Variants in ROBO2 observed in about 807,000 individuals in gnomAD.
ROBO2 encodes roundabout guidance receptor 2, also known as roundabout homolog 2.
ROBO2 carries 53 observed loss-of-function variants against 160.8 expected under a neutral mutation model. The observed-to-expected ratio is 0.33, with a 90% confidence interval of 0.26 to 0.41. The LOEUF is 0.41. Ranked by LOEUF, ROBO2 falls within the 10% of genes least tolerant of loss-of-function variation. The probability of loss-of-function intolerance (pLI) is 1.00; values close to 1 mark genes in which losing one functional copy is unlikely to be tolerated. For missense variants in ROBO2, 1,577 were observed against 1,722.4 expected (o/e 0.92, Z 1.49); for synonymous variants, 664 against 611.7 (o/e 1.09, Z -1.26).
At chr3:76,528,098 T>G (rs12488664) in intron 2 of ROBO2, among the ~76,000 whole-genome samples, 1 of 152,060 alleles carries the variant, frequency 6.6e-6, no homozygotes, top group Admixed American at 6.6e-5. Flanking sequence ...TTCTTCATTC[T>G]TAACTCATAC....
intron 2 of ROBO2, among the ~76,000 whole-genome samples, chr3:76,564,393 G>GT (rs2084387017): frequency 6.6e-6 from 1 of 152,212 alleles, no homozygotes; most frequent in South Asian, 2.1e-4. Flanking sequence ...GCCAAGTACA[G>GT]TTGGGGCCCA....
At chr3:77,644,411 T>C (rs565897312) in intron 24 of ROBO2, among the ~76,000 whole-genome samples, 106 of 152,290 alleles carry the variant, frequency 7.0e-4, no homozygotes, top group African/African-American at 2.5e-3. Flanking sequence ...CTGTAGTTCA[T>C]TGTATGCAGC....
At chr3:76,036,659 C>T (rs765697139) in intron 2 of ROBO2, among the ~76,000 whole-genome samples, 5 of 151,088 alleles carry the variant, frequency 3.3e-5, no homozygotes, top group African/African-American at 4.9e-5. Context: ...CATGCACCAC[C>T]GTACCCAGCT....
intron 2 of ROBO2, among the ~76,000 whole-genome samples, chr3:76,821,398 C>T (rs1692171993): frequency 6.6e-6 from 1 of 152,008 alleles, no homozygotes; most frequent in Admixed American, 6.6e-5. Flanking sequence ...TTAATTCCCT[C>T]TCCGATAGTT....
At chr3:76,845,314 G>C (rs577877760) in intron 2 of ROBO2, among the ~76,000 whole-genome samples, 1 of 152,058 alleles carries the variant, frequency 6.6e-6, no homozygotes, top group South Asian at 2.1e-4. Flanking sequence ...CACAAATTAT[G>C]AAAGGAGAAT....
chr3:76,536,686 AGT>A (rs2082524108), intron 2 of ROBO2, among the ~76,000 whole-genome samples: 1 of 152,100 alleles, frequency 6.6e-6, no homozygotes, highest in Non-Finnish European at 1.5e-5. Flanking sequence ...GGCAGGTGTC[AGT>A]GTGAGATTGG....
At chr3:77,181,162 A>G (rs964747397) in intron 2 of ROBO2, among the ~76,000 whole-genome samples, 1 of 152,068 alleles carries the variant, frequency 6.6e-6, no homozygotes, top group Non-Finnish European at 1.5e-5. Flanking sequence ...AACACAGAAA[A>G]TGCCCAAGGT....
chr3:76,029,701 C>A (rs188778145), intron 2 of ROBO2, among the ~76,000 whole-genome samples: 3 of 151,928 alleles, frequency 2.0e-5, no homozygotes, highest in Non-Finnish European at 4.4e-5. Context: ...TGAACTAATC[C>A]TTTTTACGGC....
At chr3:76,270,853 G>T in intron 2 of ROBO2, among the ~76,000 whole-genome samples, 1 of 152,038 alleles carries the variant, frequency 6.6e-6, no homozygotes, top group East Asian at 1.9e-4. Context: ...TTACCTGAAG[G>T]CTTGAAGACG....
intron 2 of ROBO2, among the ~76,000 whole-genome samples, chr3:76,629,100 G>T (rs548290786): frequency 6.6e-6 from 1 of 152,102 alleles, no homozygotes; most frequent in Admixed American, 6.5e-5. Context: ...TTGGAAAAGG[G>T]CTGAAACTGA....
At chr3:76,897,948 T>C (rs949690588) in intron 2 of ROBO2, among the ~76,000 whole-genome samples, 20 of 152,138 alleles carry the variant, frequency 1.3e-4, no homozygotes, top group Non-Finnish European at 2.2e-4. Context: ...TCTAGTGTAG[T>C]TGTTATACAT....
chr3:77,550,993 C>T lies in ROBO2; in HGVS notation c.1231+4C>T, dbSNP rs750714089. On this transcript the variant is annotated splice_donor_region_variant and intron_variant, in intron 8 of 25. Transcript: ENST00000461745. ...GCTCAACTGGAGGTTACTGATGGTGCGATATCTTTACTAGATTTGTCTTAT... is the reference window on the plus strand; with the variant it reads ...GCTCAACTGGAGGTTACTGATGGTGTGATATCTTTACTAGATTTGTCTTAT... 6.2e-6 allele frequency: 10 copies of T among 1,612,060 alleles called. No homozygotes were observed. The highest frequency in any genetic ancestry group is 4.4e-5 in the South Asian group (4 of 91,064).
At chr3:76,440,695 C>T (rs2076885765) in intron 2 of ROBO2, among the ~76,000 whole-genome samples, 1 of 152,100 alleles carries the variant, frequency 6.6e-6, no homozygotes, top group African/African-American at 2.4e-5. Flanking sequence ...AAGGCCTGCT[C>T]CTGGAATCAC....
chr3:77,568,196 T>G (rs2093542641), intron 12 of ROBO2, 117 bp from the exon 14 acceptor site: 2 of 1,141,698 alleles, frequency 1.8e-6, no homozygotes, highest in South Asian at 2.7e-5. Context: ...CACAAGAGAG[T>G]TTTCGTTTTG....
intron 2 of ROBO2, among the ~76,000 whole-genome samples, chr3:77,366,674 T>C (rs1189117559): frequency 6.6e-6 from 1 of 152,122 alleles, no homozygotes; most frequent in Non-Finnish European, 1.5e-5. Flanking sequence ...ATGCCAACAT[T>C]TGCCTCTGAT....
intron 2 of ROBO2, among the ~76,000 whole-genome samples, chr3:76,949,714 T>C (rs940893616): frequency 1.3e-5 from 2 of 152,204 alleles, no homozygotes; most frequent in African/African-American, 4.8e-5. Flanking sequence ...ATTTAAGATC[T>C]GCCCCTTGCT....
intron 2 of ROBO2, among the ~76,000 whole-genome samples, chr3:76,624,112 G>A (rs1169948061): frequency 1.3e-5 from 2 of 151,890 alleles, no homozygotes; most frequent in African/African-American, 4.8e-5. Flanking sequence ...ATGAATACGT[G>A]AACATAATTG....
At chr3:76,733,411 C>T (rs111979119) in intron 2 of ROBO2, among the ~76,000 whole-genome samples, 151 of 152,288 alleles carry the variant, frequency 9.9e-4, no homozygotes, top group African/African-American at 3.4e-3. Flanking sequence ...TGAGAAAGGA[C>T]ATTGTTCCCA....
At chr3:77,159,946 A>C (rs2078339016) in intron 2 of ROBO2, among the ~76,000 whole-genome samples, 1 of 152,116 alleles carries the variant, frequency 6.6e-6, no homozygotes, top group Admixed American at 6.5e-5. Context: ...GTGGTTTATT[A>C]CGTTTTAGAA....
Sources: allele counts gnomAD v4.1 joint callset (sites outside exome capture counted in the v4.1 genomes callset), GRCh38; gene constraint gnomAD v4.1.1; transcripts MANE v1.5; gene names NCBI Gene and HGNC (gene_info 2026-07-23, HGNC 2026-07-21).